The following TTLL7 variants were observed in gnomAD, a reference collection of about 807,000 sequenced individuals.
The protein encoded by TTLL7 is tubulin tyrosine ligase like 7, also known as tubulin polyglutamylase TTLL7.
Under a neutral mutation model 120.2 loss-of-function variants are expected in TTLL7, and 53 were observed. The observed-to-expected ratio is 0.44, with a 90% CI of 0.35 to 0.55. The LOEUF (loss-of-function observed/expected upper bound fraction) is 0.55, where lower values mean the gene tolerates loss of function less well. Among genes scored for constraint, TTLL7 ranks in the 20% least tolerant of loss-of-function variants. The pLI is 0.00. For synonymous variants in TTLL7, 353 were observed against 351.7 expected, an observed-to-expected ratio of 1.00 and a Z score of -0.04; for missense variants, 803 against 1,054.7, an observed-to-expected ratio of 0.76 and a Z score of 3.31.
intron 18 of TTLL7, among the ~76,000 whole-genome samples, chr1:83,893,828 T>C (rs1357300460): frequency 1.3e-5 from 2 of 151,986 alleles, no homozygotes; most frequent in Admixed American, 6.6e-5. Flanking sequence ...AATCCTACTG[T>C]AGGTCAGGGT....
At position 83,952,188 on chromosome 1, in the gene TTLL7, T is replaced by C. The variant is rs1195515507; in HGVS notation, c.24A>G (p.Gly8=). The C allele has an allele frequency of 1.2e-6, 2 of 1,613,844 alleles. No homozygotes were observed. The highest frequency in any genetic ancestry group is 2.2e-5 in the South Asian group (2 of 91,062). MPSLPQE[G]VIQGPSPLDL... ...ACATAGTTAAGTCAATTTCCCTACC[T>C]CCTTCTTGAGGCAGAGATGGCATTA... The change falls in exon 2 of 21, where the codon GGA becomes GGG. Residue 8 remains glycine (G), a splice_region_variant and synonymous_variant. Transcript: ENST00000260505.
Position 83,949,997 on chromosome 1 carries a change from ACAGTT to A in TTLL7, c.158-16_158-12del. 1 of 1,604,996 alleles carries A rather than the reference ACAGTT, an allele frequency of 6.2e-7. No individual in the cohort carries two copies. The highest frequency in any genetic ancestry group is 8.5e-7 in the Non-Finnish European group (1 of 1,176,732). On this transcript the variant is annotated splice_polypyrimidine_tract_variant and intron_variant, in intron 3 of 20. Transcript: ENST00000260505. ...CTATTACTAAACGAACTGCAAGTAA[ACAGTT>A]AAGTTAAACCAAAATTAAAATACTT... is the stretch of plus-strand genomic sequence containing the variant.
intron 18 of TTLL7, among the ~76,000 whole-genome samples, chr1:83,893,647 CT>C (rs1422761614): frequency 6.6e-6 from 1 of 152,004 alleles, no homozygotes; most frequent in Non-Finnish European, 1.5e-5. Context: ...TTTGTTATCT[CT>C]GATCAAGGCA....
chr1:83,898,134 G>T (rs1377030864), intron 18 of TTLL7, among the ~76,000 whole-genome samples: 1 of 151,908 alleles, frequency 6.6e-6, no homozygotes, highest in East Asian at 1.9e-4. Context: ...AGCTTTATAA[G>T]ACAATAGCAC....
chr1:83,929,961 TCAC>T (rs761629301), intron 9 of TTLL7, among the ~76,000 whole-genome samples: 11 of 152,096 alleles, frequency 7.2e-5, no homozygotes, highest in Non-Finnish European at 1.3e-4. Context: ...TACACATCTG[TCAC>T]CACAAGAGAC....
chr1:83,913,206 G>C (rs1028187105), intron 14 of TTLL7, among the ~76,000 whole-genome samples: 1 of 152,102 alleles, frequency 6.6e-6, no homozygotes, highest in African/African-American at 2.4e-5. Flanking sequence ...AACTGGCATT[G>C]AGTTATGGCA....
chr1:83,952,372 T>C lies in TTLL7; in HGVS notation c.-161A>G. ...CTCAGATTTCAGGATACCAAAGTTA[T>C]GGGATAACAAGGTACCTGCAGTGAT... On this transcript the variant is annotated 5_prime_UTR_variant, in exon 2 of 21. Coordinates refer to ENST00000260505, the MANE Select transcript of TTLL7 (RefSeq NM_024686.6). 1.5e-6 allele frequency: 1 copy of C among 673,326 alleles called. No homozygotes were observed. The allele number at this position is 673,326 out of a possible 1,614,324, so 41.7% of individuals were successfully genotyped here.
At chr1:83,893,570 C>T (rs1302584124) in intron 18 of TTLL7, among the ~76,000 whole-genome samples, 1 of 151,992 alleles carries the variant, frequency 6.6e-6, no homozygotes, top group African/African-American at 2.4e-5. Context: ...CAGACATAAA[C>T]ATGAAGAATT....
rs1048132081 is a variant in TTLL7, at chr1:83,942,348, A to T, written c.723+115T>A. The T allele has an allele frequency of 7.6e-6, 6 of 789,590 alleles. No homozygotes were observed. The African/African-American group carries it at 8.7e-5, about 11-fold the overall frequency. 48.9% of individuals were successfully genotyped at this position (789,590 alleles called of 1,614,324 possible). ...TTTATGTACACAATTCTTCCAGACC[A>T]CAAAAACCTGAGAGGAGCAACTTTC... On this transcript the variant is annotated intron_variant, in intron 7 of 20. Coordinates refer to ENST00000260505, the MANE Select transcript of TTLL7 (RefSeq NM_024686.6).
At chr1:83,911,417 G>T in intron 14 of TTLL7, 54 bp from the exon 15 acceptor site, 1 of 1,390,056 alleles carries the variant, frequency 7.2e-7, no homozygotes, top group East Asian at 2.3e-5. Context: ...AAGGTTTATT[G>T]ATATGATTAG....
At chr1:83,904,367 G>T (rs1283963230) in intron 17 of TTLL7, among the ~76,000 whole-genome samples, 1 of 152,044 alleles carries the variant, frequency 6.6e-6, no homozygotes, top group African/African-American at 2.4e-5. Context: ...AATCTCTGTG[G>T]CCCACACCTG....
At chr1:83,909,810 G>A (rs1171242555) in intron 15 of TTLL7, among the ~76,000 whole-genome samples, 1 of 152,050 alleles carries the variant, frequency 6.6e-6, no homozygotes, top group East Asian at 1.9e-4. Flanking sequence ...ATCAGTTCAT[G>A]CCATTAGGGA....
chr1:83,928,706 C>T (rs1659339656), intron 10 of TTLL7, among the ~76,000 whole-genome samples: 1 of 151,604 alleles, frequency 6.6e-6, no homozygotes, highest in Non-Finnish European at 1.5e-5. Context: ...TTTTTAATTT[C>T]CTGAATGAAC....
rs1655625112 is a variant in TTLL7 at position 83,892,393 on chromosome 1, A to AATATACATGT, written c.2209-1913_2209-1912insACATGTATAT. Reference sequence around the variant, plus strand: ...ACGAATATATATGAATATATATACGAATATATATGAACATATATATGAACA... The same window carrying AATATACATGT: ...ACGAATATATATGAATATATATACGAATATACATGTATATATATGAACATATATATGAACA... On this transcript the variant is annotated intron_variant, in intron 18 of 20. Transcript: ENST00000260505. Among the ~76,000 whole-genome samples the AATATACATGT allele has an allele frequency of 6.1e-5, 2 of 33,004 alleles. 1 individual carries two copies. The highest frequency in any genetic ancestry group is 1.2e-4 in the Non-Finnish European group (2 of 16,856). 21.7% of individuals were successfully genotyped at this position (33,004 alleles called of 152,430 possible). A position where few individuals can be genotyped will look rare whatever the true frequency, so the allele number is the denominator to read the frequency against.
At chr1:83,877,357 G>C (rs569360032) in intron 20 of TTLL7, among the ~76,000 whole-genome samples, 4 of 152,012 alleles carry the variant, frequency 2.6e-5, no homozygotes, top group African/African-American at 9.6e-5. Context: ...TAATGTCTTG[G>C]TCAGGTTTTG....
At chr1:83,948,911 A>G in intron 4 of TTLL7, 1 of 392,952 alleles carries the variant, frequency 2.5e-6, no homozygotes, top group African/African-American at 2.1e-5. Context: ...AGAAAACACA[A>G]AAGAATATCT....
chr1:83,871,327 T>C (rs1332093761), intron 20 of TTLL7, among the ~76,000 whole-genome samples: 1 of 152,220 alleles, frequency 6.6e-6, no homozygotes, highest in Admixed American at 6.5e-5. Context: ...AGAATCTGTT[T>C]TCCTGTGAAA....
At chr1:83,958,524 T>C (rs879681279) in intron 1 of TTLL7, among the ~76,000 whole-genome samples, 66 of 152,142 alleles carry the variant, frequency 4.3e-4, no homozygotes, top group Non-Finnish European at 8.1e-4. Flanking sequence ...ATTATAAAAA[T>C]AAGGCAGTTG....
rs1481794184 is a variant in TTLL7 at position 83,916,147 on chromosome 1, C to A, written c.1587+1457G>T. Among the ~76,000 whole-genome samples the A allele has an allele frequency of 1.5e-4, 23 of 151,986 alleles. 1 individual carries two copies. Among genetic ancestry groups the A allele is most frequent in the South Asian group, 1.5e-3 (7 of 4,814 alleles). On this transcript the variant is annotated intron_variant, in intron 14 of 20. Transcript: ENST00000260505. ...CCAGCCATCCCATTACTGGGTATAT[C>A]CCCAAAGGATTATAAATCATGCTGC...
Sources: allele counts gnomAD v4.1 joint callset (sites outside exome capture counted in the v4.1 genomes callset), GRCh38; gene constraint gnomAD v4.1.1; transcripts MANE v1.5; gene names NCBI Gene and HGNC (gene_info 2026-07-23, HGNC 2026-07-21).